KLRG1: variants seen among roughly 807,000 people sequenced by gnomAD.
KLRG1 encodes the protein killer cell lectin-like receptor subfamily G member 1.
A neutral mutation model predicts 21.8 loss-of-function variants in KLRG1; 16 were observed. That is an observed-to-expected ratio of 0.73 (90% confidence interval 0.50 to 1.11). The LOEUF (loss-of-function observed/expected upper bound fraction) is 1.11. KLRG1 is among the 50% of genes most tolerant of loss of function. The pLI, the probability that KLRG1 is intolerant of heterozygous loss-of-function variation, is 0.00. For missense variants in KLRG1, 173 were observed against 218.3 expected (o/e 0.79, Z 1.31); for synonymous variants, 69 against 75.9 (o/e 0.91, Z 0.47).
chr12:8,992,126 T>C, intron 1 of KLRG1, 80 bp from the exon 2 acceptor site: 1 of 1,209,776 alleles, frequency 8.3e-7, no homozygotes, highest in Non-Finnish European at 1.2e-6. Flanking sequence ...TGCTTTAAGA[T>C]GCGATATCCT....
chr12:8,983,605 TG>T (rs1264842532), intron 1 of KLRG1, among the ~76,000 whole-genome samples: 2 of 152,094 alleles, frequency 1.3e-5, no homozygotes, highest in Non-Finnish European at 2.9e-5. Flanking sequence ...TTCACCATGT[TG>T]GCCAGGCTGG....
chr12:9,160,777 T>C, the KLRG1 span, among the ~76,000 whole-genome samples: 6 of 151,784 alleles, frequency 4.0e-5, no homozygotes, highest in African/African-American at 1.5e-4. Flanking sequence ...TAGCCGGGCG[T>C]GGTGGCGGGC....
the KLRG1 span, chr12:9,202,623 G>T: frequency 6.2e-7 from 1 of 1,614,048 alleles, no homozygotes; most frequent in African/African-American, 1.3e-5. Flanking sequence ...GAAATCTTGC[G>T]TAGGCCCCTT....
the KLRG1 span, chr12:9,112,502 A>T: frequency 1.9e-6 from 3 of 1,613,756 alleles, no homozygotes; most frequent in African/African-American, 2.7e-5. Context: ...GACAGTGAGG[A>T]ACATTACCTC....
the KLRG1 span, chr12:9,093,353 C>G: frequency 1.4e-6 from 1 of 699,920 alleles, no homozygotes; most frequent in Non-Finnish European, 2.5e-6. Context: ...ATCAAAACAT[C>G]ATGTTGTACA....
At chr12:9,072,450 C>T in the KLRG1 span, 1 of 1,613,088 alleles carries the variant, frequency 6.2e-7, no homozygotes, top group Non-Finnish European at 8.5e-7. Flanking sequence ...AAGGGGAACT[C>T]TTCCTTTTCT....
the KLRG1 span, chr12:9,159,988 GC>G: frequency 6.2e-7 from 1 of 1,613,968 alleles, no homozygotes; most frequent in East Asian, 2.2e-5. Flanking sequence ...TGCTGTAGGA[GC>G]CATCTTGGTG....
intron 3 of KLRG1, among the ~76,000 whole-genome samples, chr12:9,001,535 GC>G (rs1947307512): frequency 6.6e-6 from 1 of 152,064 alleles, no homozygotes; most frequent in South Asian, 2.1e-4. Context: ...ACTAGCCCCA[GC>G]CCTAAGTCAG....
chr12:9,110,593 T>A, the KLRG1 span, among the ~76,000 whole-genome samples: 1 of 151,722 alleles, frequency 6.6e-6, no homozygotes, highest in Non-Finnish European at 1.5e-5. Context: ...GATTGGATAA[T>A]GATATGGATA....
downstream of KLRG1, among the ~76,000 whole-genome samples, chr12:9,011,218 T>A (rs973889516): frequency 6.6e-6 from 1 of 152,154 alleles, no homozygotes; most frequent in Non-Finnish European, 1.5e-5. Context: ...CCACCTATTG[T>A]CAGAATTGGG....
chr12:9,209,686 T>A, the KLRG1 span, among the ~76,000 whole-genome samples: 2 of 152,106 alleles, frequency 1.3e-5, no homozygotes, highest in Non-Finnish European at 2.9e-5. Context: ...TTCTCTCCAA[T>A]CTCATTTCCC....
At chr12:9,114,435 CTTAGA>C in the KLRG1 span, among the ~76,000 whole-genome samples, 1 of 151,972 alleles carries the variant, frequency 6.6e-6, no homozygotes, top group South Asian at 2.1e-4. Context: ...TAAATTAATA[CTTAGA>C]TTACTTTTAC....
At chr12:9,104,051 G>A in the KLRG1 span, among the ~76,000 whole-genome samples, 1 of 152,052 alleles carries the variant, frequency 6.6e-6, no homozygotes, top group African/African-American at 2.4e-5. Flanking sequence ...AGTCTAACCC[G>A]CACTTTTAAT....
At chr12:9,043,992 G>T in the KLRG1 span, among the ~76,000 whole-genome samples, 1 of 152,196 alleles carries the variant, frequency 6.6e-6, no homozygotes, top group Non-Finnish European at 1.5e-5. Context: ...CCATCTGGCT[G>T]CAATTTCATG....
At chr12:9,072,955 G>A in the KLRG1 span, 6 of 1,088,126 alleles carry the variant, frequency 5.5e-6, no homozygotes, top group Non-Finnish European at 7.9e-6. Context: ...CCCATGTGAG[G>A]GACTTTGATT....
At chr12:9,194,225 T>C in the KLRG1 span, 2 of 1,613,890 alleles carry the variant, frequency 1.2e-6, no homozygotes, top group Non-Finnish European at 1.7e-6. Flanking sequence ...ACCTTTTCCA[T>C]CCACCAGAAG....
At chr12:9,057,608 T>A in the KLRG1 span, 5 of 152,640 alleles carry the variant, frequency 3.3e-5, no homozygotes, top group Admixed American at 2.6e-4. Flanking sequence ...TCTAGGATTC[T>A]GTTTTGCTCA....
At chr12:9,123,146 C>T in the KLRG1 span, among the ~76,000 whole-genome samples, 1 of 152,014 alleles carries the variant, frequency 6.6e-6, no homozygotes, top group Non-Finnish European at 1.5e-5. Flanking sequence ...TTTTAAGTGA[C>T]CTTATTTAAT....
chr12:8,969,011 T>G (rs2137246663), intron 1 of KLRG1, among the ~76,000 whole-genome samples: 1 of 152,338 alleles, frequency 6.6e-6, no homozygotes, highest in South Asian at 2.1e-4. Context: ...AGCATTATTA[T>G]TTTTTATTTC....
Sources: gnomAD v4.1 joint callset for allele counts (sites outside exome capture counted in the v4.1 genomes callset) on GRCh38, gnomAD v4.1.1 for gene constraint, MANE v1.5 for transcripts, NCBI Gene and HGNC (gene_info 2026-07-23, HGNC 2026-07-21) for gene names.